The following SPATA18 variants were observed in gnomAD, a reference collection of about 807,000 sequenced individuals.
SPATA18 encodes spermatogenesis associated 18, also known as mitochondria-eating protein.
A neutral mutation model predicts 68.1 loss-of-function variants in SPATA18; 54 were observed. The ratio of observed to expected loss-of-function variants is 0.79; its 90% CI spans 0.64 to 0.99. The LOEUF (loss-of-function observed/expected upper bound fraction) is 0.99, where lower values mean the gene tolerates loss of function less well. SPATA18 is among the 50% of genes least tolerant of loss of function. SPATA18 has a pLI of 0.00. For missense variants in SPATA18, 724 were observed against 681.1 expected, an observed-to-expected ratio of 1.06 and a Z score of -0.70; for synonymous variants, 242 against 244.8, an observed-to-expected ratio of 0.99 and a Z score of 0.11.
chr4:52,088,471 G>GT (rs1215528712), intron 11 of SPATA18, among the ~76,000 whole-genome samples: 6 of 152,222 alleles, frequency 3.9e-5, no homozygotes, highest in East Asian at 3.9e-4. Context: ...TTTATTGAGA[G>GT]TTTTTTAGCA....
intron 1 of SPATA18, among the ~76,000 whole-genome samples, chr4:52,054,447 G>T (rs2109400416): frequency 6.6e-6 from 1 of 152,280 alleles, no homozygotes; most frequent in African/African-American, 2.4e-5. Flanking sequence ...AGGTAGGAAA[G>T]GTAAGGCAGG....
chr4:52,092,970 G>T (rs1211886838), intron 11 of SPATA18, among the ~76,000 whole-genome samples: 1 of 152,070 alleles, frequency 6.6e-6, no homozygotes, highest in Non-Finnish European at 1.5e-5. Context: ...AGAGGGAACA[G>T]CAGACACTGG....
intron 3 of SPATA18, 70 bp from the exon 4 acceptor site, chr4:52,062,150 T>C (rs1275873775): frequency 9.9e-7 from 1 of 1,013,860 alleles, no homozygotes; most frequent in African/African-American, 1.6e-5. Flanking sequence ...GGCTGTTTTT[T>C]AAAAATTCAT....
At chr4:52,085,101 T>TTCTCTTTCCACCTGTA in intron 11 of SPATA18, 102 bp downstream of exon 11, 2 of 851,336 alleles carry the variant, frequency 2.3e-6, no homozygotes, top group Non-Finnish European at 3.7e-6. Context: ...AGTCTACAGG[T>TTCTCTTTCCACCTGTA]GGAAAGAGAA....
chr4:52,058,511 G>T (rs2109411454), intron 1 of SPATA18, among the ~76,000 whole-genome samples: 1 of 152,288 alleles, frequency 6.6e-6, no homozygotes, highest in South Asian at 2.1e-4. Flanking sequence ...ATGTCCTTCT[G>T]TGCCTCTGCC....
chr4:52,086,285 G>C (rs1275852989), intron 11 of SPATA18, among the ~76,000 whole-genome samples: 1 of 152,158 alleles, frequency 6.6e-6, no homozygotes, highest in East Asian at 1.9e-4. Context: ...TATACTTTAA[G>C]TTCTGGGTTA....
intron 11 of SPATA18, among the ~76,000 whole-genome samples, chr4:52,087,691 A>G (rs1486841534): frequency 6.6e-6 from 1 of 152,154 alleles, no homozygotes; most frequent in African/African-American, 2.4e-5. Context: ...TATAGTTTGA[A>G]GTCAGGTAGC....
chr4:52,058,148 T>C (rs1738508997), intron 1 of SPATA18, among the ~76,000 whole-genome samples: 1 of 152,236 alleles, frequency 6.6e-6, no homozygotes, highest in Non-Finnish European at 1.5e-5. Context: ...GTTCAGGCTA[T>C]GGGTTTTAAA....
At position 52,078,815 on chromosome 4, in the gene SPATA18, G is replaced by A. The variant is rs1416646145; in HGVS notation, c.1101G>A (p.Gly367=). 2 of 1,609,892 alleles carry A rather than the reference G, an allele frequency of 1.2e-6. No individual in the cohort carries two copies. Among genetic ancestry groups the A allele is most frequent in the South Asian group, 2.2e-5 (2 of 90,766 alleles). The change falls in exon 8 of 13, where the codon GGG becomes GGA. Residue 367 remains glycine (G), a synonymous_variant. Coordinates refer to ENST00000295213, the MANE Select transcript of SPATA18 (RefSeq NM_145263.4). The part of the protein sequence containing the change: ...VRKSLTPSYV[G]SNDFENAVLD... ...AATCGTTGACACCATCTTATGTGGG[G>A]TCGAATGACTTTGAGAATGCTGTCT...
chr4:52,077,166 T>TC, intron 7 of SPATA18, 126 bp downstream of exon 7: 1 of 987,446 alleles, frequency 1.0e-6, no homozygotes, highest in Non-Finnish European at 1.5e-6. Context: ...GATTCCAGTC[T>TC]CCCCATCTGT....
At chr4:52,070,948 A>C (rs1388237962) in intron 5 of SPATA18, among the ~76,000 whole-genome samples, 1 of 151,594 alleles carries the variant, frequency 6.6e-6, no homozygotes, top group Non-Finnish European at 1.5e-5. Context: ...CATGTGTTCC[A>C]ATGGTTCTGA....
At position 52,071,900 on chromosome 4, in the gene SPATA18, C is replaced by T. The variant is rs756535542; in HGVS notation, c.519-17C>T. On this transcript the variant is annotated splice_polypyrimidine_tract_variant and intron_variant, in intron 5 of 12. Transcript: ENST00000295213. ...CTCCTCTCTTCCCTTCCTCTGCCCTCTCTCTTTGCTGTTCAGGCTTAAATC... is the reference window on the plus strand; with the variant it reads ...CTCCTCTCTTCCCTTCCTCTGCCCTTTCTCTTTGCTGTTCAGGCTTAAATC... 25 of 1,611,608 alleles carry T rather than the reference C, an allele frequency of 1.6e-5. No homozygotes were observed. The highest frequency in any genetic ancestry group is 2.1e-5 in the Non-Finnish European group (25 of 1,179,050).
At chr4:52,090,172 G>T (rs1405765962) in intron 11 of SPATA18, among the ~76,000 whole-genome samples, 1 of 152,092 alleles carries the variant, frequency 6.6e-6, no homozygotes, top group Non-Finnish European at 1.5e-5. Flanking sequence ...GCCTATGTGT[G>T]TCTTTGCACG....
intron 6 of SPATA18, among the ~76,000 whole-genome samples, chr4:52,074,480 A>G (rs116418969): frequency 0.022 from 3,295 of 152,276 alleles, 87 homozygotes; most frequent in African/African-American, 0.066. Flanking sequence ...AAAACCAGGG[A>G]AGCATATGTG....
rs765336032 is a variant in SPATA18 at position 52,062,253 on chromosome 4, A to T, written c.343A>T (p.Ser115Cys). Residue 115 changes from serine (S) to cysteine (C), a missense_variant, in exon 4 of 13, where the codon AGT becomes TGT. Transcript: ENST00000295213. ...TGATAGGGAGAGACATAAAGATCCC[A>T]GTCCTCGGGATCGGGATATGCAACA... ...TFDRERHKDP[S>C]PRDRDMQQLD... The T allele has an allele frequency of 1.2e-6, 2 of 1,601,892 alleles. No individual in the cohort carries two copies. The highest frequency in any genetic ancestry group is 2.7e-5 in the African/African-American group (2 of 73,474).
chr4:52,074,386 G>A (rs907182020), intron 6 of SPATA18, among the ~76,000 whole-genome samples: 2 of 152,186 alleles, frequency 1.3e-5, no homozygotes, highest in Non-Finnish European at 1.5e-5. Flanking sequence ...CCTCATGACA[G>A]TTTTTGAGAG....
At chr4:52,060,626 C>T in intron 2 of SPATA18, 102 bp downstream of exon 2, 2 of 1,255,620 alleles carry the variant, frequency 1.6e-6, no homozygotes, top group South Asian at 2.6e-5. Context: ...GGGTTTCTCT[C>T]ACTGACCTGA....
chr4:52,077,223 A>C (rs1578182110), intron 7 of SPATA18, among the ~76,000 whole-genome samples, 183 bp downstream of exon 7: 107 of 124,264 alleles, frequency 8.6e-4, no homozygotes, highest in East Asian at 2.7e-3. Flanking sequence ...CTCCTTTCCT[A>C]TTTCCTTCCT....
chr4:52,075,343 AGTGTG>A (rs1021623771), intron 6 of SPATA18, among the ~76,000 whole-genome samples: 2 of 152,142 alleles, frequency 1.3e-5, no homozygotes, highest in Admixed American at 6.6e-5. Context: ...CCGTGTAATT[AGTGTG>A]GTGCTGGCAT....
Sources: allele counts gnomAD v4.1 joint callset (sites outside exome capture counted in the v4.1 genomes callset), GRCh38; gene constraint gnomAD v4.1.1; transcripts MANE v1.5; gene names NCBI Gene and HGNC (gene_info 2026-07-23, HGNC 2026-07-21).